SOX6: variants seen among roughly 807,000 people sequenced by gnomAD.
The protein encoded by SOX6 is transcription factor SOX-6.
A neutral mutation model predicts 97.8 loss-of-function variants in SOX6; 11 were observed. The ratio of observed to expected loss-of-function variants is 0.11; its 90% CI spans 0.07 to 0.19. The LOEUF (loss-of-function observed/expected upper bound fraction) is 0.19, where lower values mean the gene tolerates loss of function less well. Among genes scored for constraint, SOX6 ranks in the 10% least tolerant of loss-of-function variants. The probability of loss-of-function intolerance (pLI) is 1.00; values close to 1 mark genes in which losing one functional copy is unlikely to be tolerated. For synonymous variants in SOX6, 360 were observed against 371.4 expected (o/e 0.97, Z 0.35); for missense variants, 810 against 1,039.5 (o/e 0.78, Z 3.04).
intron 4 of SOX6, among the ~76,000 whole-genome samples, chr11:16,502,064 A>C (rs1860717966): frequency 6.6e-6 from 1 of 152,234 alleles, no homozygotes; most frequent in South Asian, 2.1e-4. Context: ...AACCAAGCCT[A>C]ATGTCCAACA....
At chr11:16,287,235 C>A (rs545525185) in intron 3 of SOX6, among the ~76,000 whole-genome samples, 18 of 150,690 alleles carry the variant, frequency 1.2e-4, no homozygotes, top group African/African-American at 4.4e-4. Context: ...GTTAGTCTCT[C>A]CTTTTAATCT....
chr11:16,261,792 T>A (rs914151090), intron 3 of SOX6, among the ~76,000 whole-genome samples: 13 of 152,094 alleles, frequency 8.5e-5, no homozygotes, highest in African/African-American at 3.1e-4. Context: ...AAATTTTATA[T>A]CAATTTTAAC....
At chr11:16,274,968 G>T (rs573967971) in intron 3 of SOX6, among the ~76,000 whole-genome samples, 3 of 151,870 alleles carry the variant, frequency 2.0e-5, no homozygotes, top group African/African-American at 2.4e-5. Context: ...TATTACTTCA[G>T]AAAAGAAATA....
chr11:16,105,321 A>G (rs528767054), intron 7 of SOX6, among the ~76,000 whole-genome samples: 165 of 152,186 alleles, frequency 1.1e-3, no homozygotes, highest in African/African-American at 3.7e-3. Context: ...GCATCTGACA[A>G]AAGTCTAATA....
At chr11:16,651,365 A>G (rs1847649602) in intron 3 of SOX6, among the ~76,000 whole-genome samples, 1 of 152,160 alleles carries the variant, frequency 6.6e-6, no homozygotes, top group Non-Finnish European at 1.5e-5. Context: ...CATAGATGCA[A>G]AAATCCTCAA....
At chr11:16,408,033 T>C (rs1042633815) in intron 1 of SOX6, among the ~76,000 whole-genome samples, 20 of 152,298 alleles carry the variant, frequency 1.3e-4, no homozygotes, top group African/African-American at 4.1e-4. Context: ...CAGGAAAGAA[T>C]GCAATTTGTC....
intron 4 of SOX6, among the ~76,000 whole-genome samples, chr11:16,569,386 C>A (rs1235405030): frequency 1.3e-5 from 2 of 152,144 alleles, no homozygotes; most frequent in East Asian, 1.9e-4. Flanking sequence ...ACAAAATTAT[C>A]TTGTTTAATG....
At chr11:16,567,157 T>C (rs549900054) in intron 4 of SOX6, among the ~76,000 whole-genome samples, 1 of 152,260 alleles carries the variant, frequency 6.6e-6, no homozygotes, top group South Asian at 2.1e-4. Context: ...AAAATACCTA[T>C]AGATGGCAGA....
At chr11:16,435,798 G>GT (rs1180077140) in intron 1 of SOX6, among the ~76,000 whole-genome samples, 1 of 149,694 alleles carries the variant, frequency 6.7e-6, no homozygotes, top group Non-Finnish European at 1.5e-5. Context: ...TCTTCTTTTT[G>GT]TTTTTATTTT....
intron 12 of SOX6, among the ~76,000 whole-genome samples, chr11:16,035,188 C>T (rs112803408): frequency 0.011 from 1,613 of 152,216 alleles, 27 homozygotes; most frequent in African/African-American, 0.037. Flanking sequence ...TTTCAAGGCG[C>T]ATCAGGACAC....
intron 4 of SOX6, among the ~76,000 whole-genome samples, chr11:16,525,792 A>T (rs918001553): frequency 2.0e-5 from 3 of 152,152 alleles, no homozygotes; most frequent in African/African-American, 7.2e-5. Flanking sequence ...ACAAGAAAAA[A>T]ACAAACAACC....
In SOX6 at chr11:16,049,874, G is replaced by A; in HGVS notation, c.1316C>T (p.Ser439Phe). The A allele has an allele frequency of 6.2e-7, 1 of 1,613,422 alleles. No individual in the cohort carries two copies. The highest frequency in any genetic ancestry group is 8.5e-7 in the Non-Finnish European group (1 of 1,179,700). The change falls in exon 11 of 16, where the codon TCC (serine) becomes TTC (phenylalanine). Residue 439 changes from serine (S) to phenylalanine (F), a missense_variant. By Grantham distance (155) the Ser-to-Phe change is radical. This residue lies in a region of SOX6 where 244 missense variants were observed against 261.0 expected (regional missense o/e 0.93). Transcript: ENST00000683767. ...SRPKTAEPVK[S>F]PTSPTQNLFP... ...GAGGTTCTGGGTGGGAGACGTTGGG[G>A]ACTTTACAGGCTCTGCTGTCTTGGG...
chr11:16,217,569 T>G (rs1434739812), intron 4 of SOX6, among the ~76,000 whole-genome samples: 1 of 152,152 alleles, frequency 6.6e-6, no homozygotes, highest in Non-Finnish European at 1.5e-5. Flanking sequence ...GTACAGAAGA[T>G]TTCTTTTACA....
chr11:16,067,452 C>T (rs189245300), intron 9 of SOX6, among the ~76,000 whole-genome samples: 54 of 152,216 alleles, frequency 3.5e-4, no homozygotes, highest in Admixed American at 3.3e-3. Context: ...CACACACCCT[C>T]TTGCCTGACA....
At chr11:16,500,547 T>A (rs1237430337) in intron 4 of SOX6, among the ~76,000 whole-genome samples, 1 of 152,208 alleles carries the variant, frequency 6.6e-6, no homozygotes, top group Non-Finnish European at 1.5e-5. Context: ...GACATGATTG[T>A]ATATCTAGAA....
intron 3 of SOX6, among the ~76,000 whole-genome samples, chr11:16,257,833 T>C (rs1853738935): frequency 1.4e-5 from 2 of 138,252 alleles, no homozygotes; most frequent in African/African-American, 5.4e-5. Flanking sequence ...TTAGCCAAAA[T>C]ATACAAATAA....
At chr11:16,720,441 G>A (rs1848251624) in intron 2 of SOX6, among the ~76,000 whole-genome samples, 10 of 135,344 alleles carry the variant, frequency 7.4e-5, no homozygotes, top group African/African-American at 2.6e-4. Flanking sequence ...ACTATCACAA[G>A]GACAAAAAAC....
chr11:16,254,838 G>A (rs545720559), intron 3 of SOX6, among the ~76,000 whole-genome samples: 82 of 151,896 alleles, frequency 5.4e-4, no homozygotes, highest in Non-Finnish European at 1.0e-3. Flanking sequence ...GATTGTCAGA[G>A]TGGGTCAAAA....
At chr11:16,325,907 G>A (rs1040878632) in intron 2 of SOX6, among the ~76,000 whole-genome samples, 5 of 152,134 alleles carry the variant, frequency 3.3e-5, no homozygotes, top group African/African-American at 1.2e-4. Context: ...CTTCCGCCAT[G>A]TGAGGACACA....
Sources: gnomAD v4.1 joint callset for allele counts (sites outside exome capture counted in the v4.1 genomes callset) on GRCh38, gnomAD v4.1.1 for gene constraint, gnomAD v4.1.1 regional missense constraint, MANE v1.5 for transcripts, NCBI Gene and HGNC (gene_info 2026-07-23, HGNC 2026-07-21) for gene names.